The following NRG3 variants were observed in gnomAD, a reference collection of about 807,000 sequenced individuals.
The protein encoded by NRG3 is neuregulin 3.
Under a neutral mutation model 66.9 loss-of-function variants are expected in NRG3, and 31 were observed. The ratio of observed to expected loss-of-function variants is 0.46; its 90% CI spans 0.35 to 0.63. NRG3 has a LOEUF of 0.63. NRG3 is among the 20% of genes least tolerant of loss of function. The pLI, the probability that NRG3 is intolerant of heterozygous loss-of-function variation, is 0.00. For synonymous variants in NRG3, 393 were observed against 359.4 expected (o/e 1.09, Z -1.06); for missense variants, 910 against 878.9 (o/e 1.04, Z -0.45).
chr10:82,369,390 C>T (rs2135720533), intron 2 of NRG3, among the ~76,000 whole-genome samples: 1 of 138,330 alleles, frequency 7.2e-6, no homozygotes, highest in Middle Eastern at 3.6e-3. Flanking sequence ...CCTTGACCTC[C>T]TGGGCTCAAG....
chr10:82,064,253 A>G (rs2064321195), intron 1 of NRG3, among the ~76,000 whole-genome samples: 1 of 152,160 alleles, frequency 6.6e-6, no homozygotes, highest in Non-Finnish European at 1.5e-5. Flanking sequence ...CTAAGACAGG[A>G]TCATTCTAGT....
At chr10:82,919,147 C>T (rs1210863453) in intron 4 of NRG3, among the ~76,000 whole-genome samples, 1 of 150,852 alleles carries the variant, frequency 6.6e-6, no homozygotes, top group Admixed American at 6.6e-5. Flanking sequence ...AAGTCATCTC[C>T]ATTTTCTCAA....
intron 2 of NRG3, among the ~76,000 whole-genome samples, chr10:82,573,751 T>C (rs2045878170): frequency 6.6e-6 from 1 of 151,802 alleles, no homozygotes; most frequent in Non-Finnish European, 1.5e-5. Context: ...TGGCTGTTGC[T>C]GCATGGGAAG....
At chr10:82,907,952 C>G (rs1440481385) in intron 4 of NRG3, among the ~76,000 whole-genome samples, 1 of 152,206 alleles carries the variant, frequency 6.6e-6, no homozygotes, top group Non-Finnish European at 1.5e-5. Context: ...ATGAAACTTA[C>G]TAGATATTTA....
intron 2 of NRG3, among the ~76,000 whole-genome samples, chr10:82,384,507 C>G (rs2085849077): frequency 6.6e-6 from 1 of 152,124 alleles, no homozygotes; most frequent in African/African-American, 2.4e-5. Flanking sequence ...TTAGTTCCCA[C>G]TTATAAGTTA....
chr10:81,962,872 A>G (rs1295562980), intron 1 of NRG3, among the ~76,000 whole-genome samples: 1 of 152,134 alleles, frequency 6.6e-6, no homozygotes, highest in African/African-American at 2.4e-5. Context: ...GGTCAGGGAA[A>G]ATGCACTTCC....
chr10:82,685,034 A>G (rs556045104), intron 2 of NRG3, among the ~76,000 whole-genome samples: 1 of 152,248 alleles, frequency 6.6e-6, no homozygotes, highest in East Asian at 1.9e-4. Context: ...AAGGCAAGTC[A>G]TCTACGAAGT....
At chr10:82,239,980 A>G (rs775644582) in intron 1 of NRG3, among the ~76,000 whole-genome samples, 1 of 152,156 alleles carries the variant, frequency 6.6e-6, no homozygotes, top group Admixed American at 6.5e-5. Flanking sequence ...AATAGAGTGT[A>G]CTGGTATTTT....
At chr10:82,176,664 G>T (rs2073054816) in intron 1 of NRG3, among the ~76,000 whole-genome samples, 1 of 152,060 alleles carries the variant, frequency 6.6e-6, no homozygotes, top group South Asian at 2.1e-4. Flanking sequence ...CTCTACAGGA[G>T]AAGCTGATTT....
At chr10:82,460,998 C>T (rs2091485831) in intron 2 of NRG3, among the ~76,000 whole-genome samples, 1 of 152,156 alleles carries the variant, frequency 6.6e-6, no homozygotes, top group Admixed American at 6.5e-5. Flanking sequence ...GGATTGCTGG[C>T]TTACACCACC....
At chr10:81,913,644 G>A (rs1489003349) in intron 1 of NRG3, among the ~76,000 whole-genome samples, 1 of 151,964 alleles carries the variant, frequency 6.6e-6, no homozygotes, top group Non-Finnish European at 1.5e-5. Flanking sequence ...GGCTGGTCTC[G>A]AACTCGTGGC....
At chr10:82,298,280 GAGGA>G (rs1039697003) in intron 1 of NRG3, among the ~76,000 whole-genome samples, 48 of 151,454 alleles carry the variant, frequency 3.2e-4, no homozygotes, top group African/African-American at 6.0e-4. Flanking sequence ...GGGAGAGAGG[GAGGA>G]AGGAAGGAAG....
At chr10:82,058,140 A>G (rs192455702) in intron 1 of NRG3, among the ~76,000 whole-genome samples, 1 of 152,196 alleles carries the variant, frequency 6.6e-6, no homozygotes, top group African/African-American at 2.4e-5. Flanking sequence ...TTTTATATAT[A>G]CAAGTCTCAT....
chr10:82,831,255 A>G (rs889376712), intron 3 of NRG3, among the ~76,000 whole-genome samples: 1 of 152,070 alleles, frequency 6.6e-6, no homozygotes, highest in Non-Finnish European at 1.5e-5. Context: ...GAGCCAGGGA[A>G]CTCAACAATA....
At chr10:82,628,587 A>G (rs538687472) in intron 2 of NRG3, among the ~76,000 whole-genome samples, 23 of 151,938 alleles carry the variant, frequency 1.5e-4, no homozygotes, top group Non-Finnish European at 2.6e-4. Flanking sequence ...CAGAGCTCAG[A>G]TGAACCTTGG....
intron 1 of NRG3, among the ~76,000 whole-genome samples, chr10:81,998,188 A>G (rs1373361087): frequency 1.3e-5 from 2 of 152,210 alleles, no homozygotes; most frequent in Admixed American, 1.3e-4. Context: ...TTAAGAAGTA[A>G]TACACATGGA....
chr10:81,919,082 A>T (rs916273353), intron 1 of NRG3, among the ~76,000 whole-genome samples: 9 of 152,164 alleles, frequency 5.9e-5, no homozygotes, highest in Admixed American at 3.9e-4. Context: ...AAGTAAATGT[A>T]ATAAATATTT....
chr10:82,662,543 G>C (rs2052447001), intron 2 of NRG3, among the ~76,000 whole-genome samples: 1 of 152,152 alleles, frequency 6.6e-6, no homozygotes, highest in Non-Finnish European at 1.5e-5. Context: ...ACCAGAGACA[G>C]ACAGTCAATC....
chr10:82,945,441 C>A (rs1848924650), intron 4 of NRG3, among the ~76,000 whole-genome samples: 1 of 152,124 alleles, frequency 6.6e-6, no homozygotes, highest in Admixed American at 6.5e-5. Flanking sequence ...CTGAATACCA[C>A]AAAATGGGTA....
Sources: gnomAD v4.1 joint callset for allele counts (sites outside exome capture counted in the v4.1 genomes callset) on GRCh38, gnomAD v4.1.1 for gene constraint, MANE v1.5 for transcripts, NCBI Gene and HGNC (gene_info 2026-07-23, HGNC 2026-07-21) for gene names.